The following ENOX1 variants were observed in gnomAD, a reference collection of about 807,000 sequenced individuals.
ENOX1 encodes the protein candidate growth-related and time keeping constitutive hydroquinone (NADH) oxidase.
In ENOX1, 42 loss-of-function variants were observed where a neutral mutation model predicts 82.5. That is an observed-to-expected ratio of 0.51 (90% CI 0.40 to 0.66). ENOX1 has a LOEUF of 0.66. ENOX1 is among the 30% of genes least tolerant of loss of function. ENOX1 has a pLI of 0.00. For synonymous variants in ENOX1, 271 were observed against 282.2 expected (o/e 0.96, Z 0.40); for missense variants, 608 against 811.6 (o/e 0.75, Z 3.05).
At position 43,349,150 on chromosome 13, in the gene ENOX1, C is replaced by G; in HGVS notation, c.824-4400G>C. ...GATAATAAACATTTAAATTTCATGT[C>G]AAAGAGTATTTTCACACATGCCATT... On this transcript the variant is annotated intron_variant, in intron 8 of 16. Transcript: ENST00000690772. 2.0e-5 allele frequency among the ~76,000 whole-genome samples: 3 copies of G among 152,246 alleles called. No individual in the cohort carries two copies. In the South Asian group the frequency reaches 6.2e-4, roughly 32 times the overall value.
At chr13:43,629,968 T>C (rs1594177430) in intron 2 of ENOX1, among the ~76,000 whole-genome samples, 1 of 152,174 alleles carries the variant, frequency 6.6e-6, no homozygotes, top group East Asian at 1.9e-4. Flanking sequence ...AAGTGAACAC[T>C]ACGCAGAGTT....
intron 2 of ENOX1, among the ~76,000 whole-genome samples, chr13:43,620,776 A>G (rs2082690745): frequency 6.6e-6 from 1 of 152,270 alleles, no homozygotes; most frequent in East Asian, 1.9e-4. Context: ...ATTCCAAGGT[A>G]TAGTTTAAAT....
chr13:43,561,920 A>G (rs1323396386), intron 2 of ENOX1, among the ~76,000 whole-genome samples: 2 of 151,536 alleles, frequency 1.3e-5, no homozygotes, highest in African/African-American at 4.8e-5. Flanking sequence ...AGTAAGCCAT[A>G]ATAACACCGC....
intron 5 of ENOX1, among the ~76,000 whole-genome samples, chr13:43,408,466 A>G (rs1030258333): frequency 5.9e-5 from 9 of 152,206 alleles, no homozygotes; most frequent in African/African-American, 2.2e-4. Flanking sequence ...TGTTTTAAAG[A>G]GGATTTCTTG....
At chr13:43,547,456 ACATT>A (rs1399987605) in intron 2 of ENOX1, 1 of 152,246 alleles carries the variant, frequency 6.6e-6, no homozygotes, top group Non-Finnish European at 1.5e-5. Flanking sequence ...ACTTCTACAA[ACATT>A]CATTAACAAT....
chr13:43,330,385 G>T (rs1192554635), intron 9 of ENOX1, among the ~76,000 whole-genome samples: 1 of 152,218 alleles, frequency 6.6e-6, no homozygotes, highest in Non-Finnish European at 1.5e-5. Context: ...TCCTGTATCA[G>T]ATAAAAAGCA....
At chr13:43,539,600 TCA>T (rs549523808) in intron 2 of ENOX1, among the ~76,000 whole-genome samples, 180 of 152,318 alleles carry the variant, frequency 1.2e-3, no homozygotes, top group African/African-American at 4.2e-3. Context: ...GCTTTTTGGC[TCA>T]CAAGTTTTTT....
At chr13:43,754,033 T>TAC (rs1397027274) in intron 1 of ENOX1, among the ~76,000 whole-genome samples, 7 of 136,432 alleles carry the variant, frequency 5.1e-5, no homozygotes, top group Non-Finnish European at 9.6e-5. Context: ...TATACATATA[T>TAC]ATGTATATAA....
chr13:43,483,910 C>A, intron 3 of ENOX1, 99 bp downstream of exon 3: 1 of 632,690 alleles, frequency 1.6e-6, no homozygotes, highest in Non-Finnish European at 2.0e-6. Context: ...AAATCTACCC[C>A]CAGAGTTCTA....
At chr13:43,553,379 A>G (rs780331154) in intron 2 of ENOX1, among the ~76,000 whole-genome samples, 1 of 152,230 alleles carries the variant, frequency 6.6e-6, no homozygotes, top group East Asian at 1.9e-4. Flanking sequence ...ATGCTATCCC[A>G]TAAGACAGAC....
At chr13:43,315,355 C>T (rs184975359) in intron 11 of ENOX1, among the ~76,000 whole-genome samples, 74 of 152,266 alleles carry the variant, frequency 4.9e-4, no homozygotes, top group Middle Eastern at 3.4e-3. Flanking sequence ...CAAAATTCAT[C>T]GATGTTGTAA....
intron 16 of ENOX1, among the ~76,000 whole-genome samples, chr13:43,215,831 G>A (rs1462838951): frequency 6.6e-6 from 1 of 152,118 alleles, no homozygotes; most frequent in African/African-American, 2.4e-5. Context: ...GCTGGTCTTG[G>A]GTGTAGCCCA....
At chr13:43,222,412 C>T (rs373799199) in intron 16 of ENOX1, among the ~76,000 whole-genome samples, 1 of 152,024 alleles carries the variant, frequency 6.6e-6, no homozygotes, top group African/African-American at 2.4e-5. Context: ...CACGCAGGCA[C>T]ACACACTTCA....
At chr13:43,779,403 A>G (rs776398783) in intron 1 of ENOX1, among the ~76,000 whole-genome samples, 3 of 152,118 alleles carry the variant, frequency 2.0e-5, no homozygotes, top group Non-Finnish European at 4.4e-5. Context: ...CAACTCTCTC[A>G]TGTCACTGGC....
chr13:43,399,780 CA>C (rs1365706950), intron 5 of ENOX1, among the ~76,000 whole-genome samples: 1 of 152,104 alleles, frequency 6.6e-6, no homozygotes, highest in Admixed American at 6.5e-5. Flanking sequence ...GACAGTTCCT[CA>C]ATGTTGAAGG....
intron 1 of ENOX1, among the ~76,000 whole-genome samples, chr13:43,707,474 G>A (rs983345589): frequency 1.3e-5 from 2 of 152,086 alleles, no homozygotes; most frequent in Non-Finnish European, 2.9e-5. Flanking sequence ...AGTGGCTCAC[G>A]CCTGTAATCC....
At chr13:43,754,120 GTATACGTA>G (rs1446150072) in intron 1 of ENOX1, among the ~76,000 whole-genome samples, 56 of 86,276 alleles carry the variant, frequency 6.5e-4, no homozygotes, top group African/African-American at 1.9e-3. Flanking sequence ...GTATACATAA[GTATACGTA>G]TATACGTATA....
intron 2 of ENOX1, among the ~76,000 whole-genome samples, chr13:43,577,325 T>A (rs1386251674): frequency 6.6e-6 from 1 of 151,960 alleles, no homozygotes; most frequent in African/African-American, 2.4e-5. Flanking sequence ...AGAGATGGAG[T>A]TTCGCCATGT....
At chr13:43,756,969 C>CAAAAA (rs1408849152) in intron 1 of ENOX1, among the ~76,000 whole-genome samples, 38 of 41,446 alleles carry the variant, frequency 9.2e-4, no homozygotes, top group East Asian at 1.4e-3. Context: ...ACAAAAACAA[C>CAAAAA]AACAAAAAAA....
Sources: gnomAD v4.1 joint callset for allele counts (sites outside exome capture counted in the v4.1 genomes callset) on GRCh38, gnomAD v4.1.1 for gene constraint, MANE v1.5 for transcripts, NCBI Gene and HGNC (gene_info 2026-07-23, HGNC 2026-07-21) for gene names.